Variants in KCNJ4 observed in about 807,000 individuals in gnomAD.
KCNJ4 encodes potassium inwardly rectifying channel subfamily J member 4.
KCNJ4 carries 3 observed loss-of-function variants against 25.6 expected under a neutral mutation model. The ratio of observed to expected loss-of-function variants is 0.12; its 90% CI spans 0.05 to 0.30. The LOEUF is 0.30. KCNJ4 is among the 10% of genes least tolerant of loss of function. KCNJ4 has a pLI of 1.00. For missense variants in KCNJ4, 286 were observed against 666.8 expected (o/e 0.43, Z 6.29); for synonymous variants, 257 against 283.9 (o/e 0.91, Z 0.95).
At chr22:38,438,234 T>C (rs1304068225) in intron 1 of KCNJ4, among the ~76,000 whole-genome samples, 2 of 115,896 alleles carry the variant, frequency 1.7e-5, no homozygotes, top group African/African-American at 3.8e-5. Context: ...AGCGATACTC[T>C]GTCTCAAAAA....
chr22:38,438,699 GAAA>G (rs1296004682), intron 1 of KCNJ4, among the ~76,000 whole-genome samples: 2 of 121,988 alleles, frequency 1.6e-5, no homozygotes, highest in African/African-American at 2.7e-5. Context: ...AAAAAAAAAA[GAAA>G]AAAAGAAAGA....
intron 1 of KCNJ4, among the ~76,000 whole-genome samples, chr22:38,453,066 C>T (rs984897830): frequency 6.6e-6 from 1 of 151,684 alleles, no homozygotes; most frequent in East Asian, 1.9e-4. Flanking sequence ...AGAACCAGCC[C>T]GCCCTGTAAG....
rs184249100 is a variant in KCNJ4 at position 38,438,818 on chromosome 22, T to C, written c.-39-10647A>G. Among the ~76,000 whole-genome samples the C allele has an allele frequency of 1.0e-3, 153 of 152,254 alleles. 1 individual carries two copies. The highest frequency in any genetic ancestry group is 4.4e-4 in the Non-Finnish European group (30 of 68,014). Reference sequence around the variant, plus strand: ...GAGCCTGGGAGTGAGTGGACCAGGATGAGGCCACAGAGGCGGCAGATGGCA... The same window carrying C: ...GAGCCTGGGAGTGAGTGGACCAGGACGAGGCCACAGAGGCGGCAGATGGCA... On this transcript the variant is annotated intron_variant, in intron 1 of 1. Transcript: ENST00000303592.
chr22:38,452,473 G>A (rs1306193228), intron 1 of KCNJ4, among the ~76,000 whole-genome samples: 1 of 152,206 alleles, frequency 6.6e-6, no homozygotes, highest in Non-Finnish European at 1.5e-5. Flanking sequence ...GGAAGAGTGA[G>A]CAGGAAGACA....
intron 1 of KCNJ4, among the ~76,000 whole-genome samples, chr22:38,454,359 C>A (rs1289121794): frequency 6.6e-6 from 1 of 152,074 alleles, no homozygotes; most frequent in Non-Finnish European, 1.5e-5. Flanking sequence ...GAAGTTCTCC[C>A]TGCGGGAGGC....
chr22:38,436,463 G>A (rs1472924876), intron 1 of KCNJ4, among the ~76,000 whole-genome samples: 1 of 152,164 alleles, frequency 6.6e-6, no homozygotes, highest in Non-Finnish European at 1.5e-5. Context: ...GCTCTAGCAG[G>A]TCACTGGATT....
At chr22:38,429,014 G>A (rs542016095) in intron 1 of KCNJ4, among the ~76,000 whole-genome samples, 2 of 151,194 alleles carry the variant, frequency 1.3e-5, no homozygotes, top group African/African-American at 4.9e-5. Context: ...AGCCCAGGGG[G>A]TCAAGGCTGC....
intron 1 of KCNJ4, among the ~76,000 whole-genome samples, chr22:38,432,830 G>A (rs1264387712): frequency 1.3e-5 from 2 of 152,026 alleles, no homozygotes; most frequent in Non-Finnish European, 2.9e-5. Context: ...AATTAGCCGG[G>A]CATGATGGTG....
chr22:38,454,795 C>T (rs1192471416), intron 1 of KCNJ4, among the ~76,000 whole-genome samples, 185 bp downstream of exon 1: 1 of 151,620 alleles, frequency 6.6e-6, no homozygotes, highest in Non-Finnish European at 1.5e-5. Context: ...GGACAGAGCC[C>T]GCCCGTGGAG....
Position 38,443,440 on chromosome 22 carries a change from A to T in KCNJ4, c.-40+11540T>A, listed in dbSNP as rs2089351255. Among the ~76,000 whole-genome samples, 1 of 152,124 alleles carries T rather than the reference A, an allele frequency of 6.6e-6. No homozygotes were observed. Among genetic ancestry groups the T allele is most frequent in the African/African-American group, 2.4e-5 (1 of 41,410 alleles). On this transcript the variant is annotated intron_variant, in intron 1 of 1. Coordinates refer to ENST00000303592, the MANE Select transcript of KCNJ4 (RefSeq NM_152868.3). The surrounding 1 kb of genome is among the most constrained non-coding windows in gnomAD (Gnocchi z 4.1). ...AGGCATCGCGAACCCGGCACTGCCA[A>T]GCCCAAGCCATGCCCCCGTCCTCCC...
At position 38,426,517 on chromosome 22, in the gene KCNJ4, G is replaced by A. The variant is rs196058; in HGVS notation, c.*278C>T. ...AAGGTTCTGAGAGCAAAGAGGGCAC[G>A]TCCTTGAAGAGTCAGTGGGGGAAGG... On this transcript the variant is annotated 3_prime_UTR_variant, in exon 2 of 2. Transcript: ENST00000303592. The A allele has an allele frequency of 0.041, 13,185 of 319,904 alleles. 702 individuals are homozygous for A. The highest frequency in any genetic ancestry group is 0.17 in the African/African-American group (7,714 of 46,130). 19.8% of individuals were successfully genotyped at this position (319,904 alleles called of 1,614,324 possible).
intron 1 of KCNJ4, among the ~76,000 whole-genome samples, chr22:38,436,693 C>T (rs1012525988): frequency 6.6e-6 from 1 of 152,192 alleles, no homozygotes; most frequent in African/African-American, 2.4e-5. Context: ...AGCATCTGAG[C>T]ATTGAGCACG....
At chr22:38,445,876 C>T (rs1294496679) in intron 1 of KCNJ4, among the ~76,000 whole-genome samples, 4 of 152,062 alleles carry the variant, frequency 2.6e-5, no homozygotes, top group African/African-American at 4.8e-5. Context: ...GAAGCTGTGA[C>T]GGGCGGTGCT....
intron 1 of KCNJ4, among the ~76,000 whole-genome samples, chr22:38,450,230 A>G (rs1226326059): frequency 1.3e-5 from 2 of 151,892 alleles, no homozygotes; most frequent in African/African-American, 4.8e-5. Flanking sequence ...GGTTATGCCA[A>G]CCCCTAGGAT....
intron 1 of KCNJ4, among the ~76,000 whole-genome samples, chr22:38,441,981 T>G (rs897965413): frequency 6.6e-6 from 1 of 152,140 alleles, no homozygotes; most frequent in Non-Finnish European, 1.5e-5. Context: ...AGCTACCATT[T>G]GTGTAAAAAA....
At chr22:38,451,341 C>G (rs1020153805) in intron 1 of KCNJ4, among the ~76,000 whole-genome samples, 2 of 152,230 alleles carry the variant, frequency 1.3e-5, no homozygotes, top group African/African-American at 4.8e-5. Flanking sequence ...TGCTCCCTAT[C>G]TTGCTCCACC....
intron 1 of KCNJ4, among the ~76,000 whole-genome samples, chr22:38,444,013 T>A (rs1243608154): frequency 1.3e-5 from 2 of 152,102 alleles, no homozygotes; most frequent in Non-Finnish European, 2.9e-5. Flanking sequence ...GGCTGTTCTT[T>A]CTGGTTGAAA....
chr22:38,426,555 G>A lies in KCNJ4; in HGVS notation c.*240C>T, dbSNP rs1870534135. 14 of 509,772 alleles carry A rather than the reference G, an allele frequency of 2.7e-5. No homozygotes were observed. The South Asian group carries it at 4.5e-4, about 16-fold the overall frequency. 31.6% of individuals were successfully genotyped at this position (509,772 alleles called of 1,614,324 possible). On this transcript the variant is annotated 3_prime_UTR_variant, in exon 2 of 2. Coordinates refer to ENST00000303592, the MANE Select transcript of KCNJ4 (RefSeq NM_152868.3). Reference sequence around the variant, plus strand: ...CAGTGGGGGAAGGGTGGTGGATCCGGGGACCTAGAGCCACCAGAAGTAGGC... The same window carrying A: ...CAGTGGGGGAAGGGTGGTGGATCCGAGGACCTAGAGCCACCAGAAGTAGGC...
chr22:38,429,840 G>A (rs1175113027), intron 1 of KCNJ4, among the ~76,000 whole-genome samples: 1 of 152,246 alleles, frequency 6.6e-6, no homozygotes, highest in Non-Finnish European at 1.5e-5. Flanking sequence ...CATAAGGCTG[G>A]AAGTTTCTAT....
Sources: gnomAD v4.1 joint callset for allele counts (sites outside exome capture counted in the v4.1 genomes callset) on GRCh38, gnomAD v4.1.1 for gene constraint, Gnocchi (gnomAD v3.1) non-coding constraint, MANE v1.5 for transcripts, NCBI Gene and HGNC (gene_info 2026-07-23, HGNC 2026-07-21) for gene names.